The following CSMD1 variants were observed in gnomAD, a reference collection of about 807,000 sequenced individuals.
The protein encoded by CSMD1 is CUB and sushi domain-containing protein 1.
A neutral mutation model predicts 417.5 loss-of-function variants in CSMD1; 213 were observed. That is an observed-to-expected ratio of 0.51 (90% CI 0.46 to 0.57). The LOEUF (loss-of-function observed/expected upper bound fraction) is 0.57. Ranked by LOEUF, CSMD1 falls within the 20% of genes least tolerant of loss-of-function variation. The probability of loss-of-function intolerance (pLI) is 0.00; values close to 1 mark genes in which losing one functional copy is unlikely to be tolerated. For missense variants in CSMD1, 6,923 were observed against 4,529.7 expected, an observed-to-expected ratio of 1.53 and a Z score of -15.17; for synonymous variants, 2,862 against 1,736.8, an observed-to-expected ratio of 1.65 and a Z score of -16.11.
intron 1 of CSMD1, among the ~76,000 whole-genome samples, chr8:4,804,873 C>T (rs1281297366): frequency 6.6e-6 from 1 of 152,130 alleles, no homozygotes; most frequent in Non-Finnish European, 1.5e-5. Flanking sequence ...ACAGCCTGTA[C>T]CCAATCCTTC....
intron 2 of CSMD1, among the ~76,000 whole-genome samples, chr8:4,611,393 G>A (rs1034201700): frequency 9.2e-5 from 14 of 152,078 alleles, no homozygotes; most frequent in African/African-American, 3.4e-4. Context: ...CTGGCTATCT[G>A]GTTAGTTCTT....
intron 50 of CSMD1, among the ~76,000 whole-genome samples, chr8:3,030,855 T>C (rs1810298201): frequency 6.6e-6 from 1 of 152,022 alleles, no homozygotes; most frequent in African/African-American, 2.4e-5. Context: ...AAATCTTGAT[T>C]AGTCTTTTCT....
intron 1 of CSMD1, chr8:4,787,566 C>T (rs898880304): frequency 6.8e-7 from 1 of 1,474,646 alleles, no homozygotes; most frequent in East Asian, 2.3e-5. Context: ...GGGGAGACAG[C>T]TTTCATTGCA....
intron 7 of CSMD1, among the ~76,000 whole-genome samples, chr8:3,686,793 G>T (rs1459911134): frequency 6.6e-6 from 1 of 152,100 alleles, no homozygotes; most frequent in African/African-American, 2.4e-5. Context: ...CTGTTTCTTT[G>T]GATCTTCATT....
chr8:4,281,198 G>T (rs891414893), intron 3 of CSMD1, among the ~76,000 whole-genome samples: 1 of 152,220 alleles, frequency 6.6e-6, no homozygotes, highest in Admixed American at 6.5e-5. Flanking sequence ...AATGGACCTG[G>T]AAATATAAAA....
Position 3,718,848 on chromosome 8 carries a change from G to A in CSMD1, c.932-10357C>T, listed in dbSNP as rs1051482506. On this transcript the variant is annotated intron_variant, in intron 6 of 69. Coordinates refer to ENST00000635120, the MANE Select transcript of CSMD1 (RefSeq NM_033225.6). ...GACATAAGCAGGATTTAACTTGGAA[G>A]CAGGTGGAATTTAAAGATTGTTTTA... is the stretch of plus-strand genomic sequence containing the variant. Among the ~76,000 whole-genome samples the A allele has an allele frequency of 1.2e-4, 18 of 152,130 alleles. 1 individual carries two copies. The highest frequency in any genetic ancestry group is 1.1e-3 in the Admixed American group (17 of 15,256).
At chr8:3,014,999 C>T (rs963624409) in intron 52 of CSMD1, among the ~76,000 whole-genome samples, 9 of 151,652 alleles carry the variant, frequency 5.9e-5, no homozygotes, top group Non-Finnish European at 8.8e-5. Flanking sequence ...TATTACACAC[C>T]GTATGTGTGT....
intron 1 of CSMD1, among the ~76,000 whole-genome samples, chr8:4,914,190 T>A (rs1428473232): frequency 6.6e-6 from 1 of 152,192 alleles, no homozygotes; most frequent in African/African-American, 2.4e-5. Flanking sequence ...GTCATGAGAC[T>A]CTATAGTATT....
intron 5 of CSMD1, among the ~76,000 whole-genome samples, chr8:3,965,921 G>C (rs928977383): frequency 6.6e-6 from 1 of 152,116 alleles, no homozygotes. Flanking sequence ...CCGGCCAATG[G>C]TTATGATTTT....
In CSMD1 at chr8:3,772,460, C is replaced by CATTT. The variant is rs1563064391; in HGVS notation, c.819-18419_819-18418insAAAT. On this transcript the variant is annotated intron_variant, in intron 5 of 69. Coordinates refer to ENST00000635120, the MANE Select transcript of CSMD1 (RefSeq NM_033225.6). ...ACATTTATATATACACATATATATA[C>CATTT]ATATATACACATATATATACATATA... is the stretch of plus-strand genomic sequence containing the variant. 2.4e-3 allele frequency among the ~76,000 whole-genome samples: 149 copies of CATTT among 61,678 alleles called. 34 individuals carry two copies. Among genetic ancestry groups the CATTT allele is most frequent in the East Asian group, 5.2e-3 (13 of 2,498 alleles). 40.5% of individuals were successfully genotyped at this position (61,678 alleles called of 152,430 possible). A position where few individuals can be genotyped will look rare whatever the true frequency, so the allele number is the denominator to read the frequency against.
chr8:4,118,684 T>A (rs7826115), intron 3 of CSMD1, among the ~76,000 whole-genome samples: 2 of 152,196 alleles, frequency 1.3e-5, no homozygotes, highest in Non-Finnish European at 2.9e-5. Flanking sequence ...GACAGTGTGG[T>A]GATTGCTCAA....
chr8:3,717,871 C>A (rs1049855934), intron 6 of CSMD1, among the ~76,000 whole-genome samples: 11 of 152,230 alleles, frequency 7.2e-5, no homozygotes, highest in Admixed American at 3.3e-4. Flanking sequence ...CACCAATCAC[C>A]TATCAAATTC....
rs2740838 is a variant in CSMD1 at position 3,959,011 on chromosome 8, T to A, written c.818+38892A>T. 5.3e-5 allele frequency among the ~76,000 whole-genome samples: 8 copies of A among 151,712 alleles called. No individual in the cohort carries two copies. The East Asian group carries it at 1.2e-3, about 22-fold the overall frequency. On this transcript the variant is annotated intron_variant, in intron 5 of 69. Transcript: ENST00000635120. ...TTCTCCCATGCGTCTCCCTCCTCCC[T>A]ACTCTGCGGCGGCTTCTCCATGCTC...
intron 1 of CSMD1, among the ~76,000 whole-genome samples, chr8:4,976,431 TC>T: frequency 6.6e-6 from 1 of 152,342 alleles, no homozygotes; most frequent in East Asian, 1.9e-4. Flanking sequence ...GAAAGTTTGT[TC>T]TTAAATACAA....
chr8:4,251,855 A>ATGGAGGAGAGAGAGGG (rs1366208216), intron 3 of CSMD1, among the ~76,000 whole-genome samples: 1 of 132,904 alleles, frequency 7.5e-6, no homozygotes, highest in African/African-American at 2.8e-5. Context: ...AGGAGGAGAG[A>ATGGAGGAGAGAGAGGG]TGGAGGAGAG....
At chr8:4,127,063 A>T (rs2130963171) in intron 3 of CSMD1, among the ~76,000 whole-genome samples, 1 of 143,600 alleles carries the variant, frequency 7.0e-6, no homozygotes, top group East Asian at 2.0e-4. Flanking sequence ...TTTAGCCAAA[A>T]ATCAGTCAAT....
chr8:4,720,641 C>T (rs550741173), intron 1 of CSMD1, among the ~76,000 whole-genome samples: 3 of 152,234 alleles, frequency 2.0e-5, no homozygotes, highest in South Asian at 2.1e-4. Flanking sequence ...GCTCTCCTCT[C>T]GAATTCCTAA....
At chr8:3,663,891 G>A (rs140487713) in intron 7 of CSMD1, among the ~76,000 whole-genome samples, 5 of 152,240 alleles carry the variant, frequency 3.3e-5, no homozygotes, top group African/African-American at 1.2e-4. Context: ...CTCAACCTTG[G>A]ATAAATAAAC....
At chr8:3,806,995 T>G (rs916812522) in intron 5 of CSMD1, among the ~76,000 whole-genome samples, 1 of 152,142 alleles carries the variant, frequency 6.6e-6, no homozygotes, top group African/African-American at 2.4e-5. Flanking sequence ...AGGTGCCAGA[T>G]AAAACTGGCT....
Sources: allele counts gnomAD v4.1 joint callset (sites outside exome capture counted in the v4.1 genomes callset), GRCh38; gene constraint gnomAD v4.1.1; transcripts MANE v1.5; gene names NCBI Gene and HGNC (gene_info 2026-07-23, HGNC 2026-07-21).